EGFLAM: variants seen among roughly 807,000 people sequenced by gnomAD.
The protein encoded by EGFLAM is EGF like, fibronectin type III and laminin G domains.
In EGFLAM, 79 loss-of-function variants were observed where a neutral mutation model predicts 113.1. That is an observed-to-expected ratio of 0.70 (90% CI 0.58 to 0.84). The LOEUF is 0.84. EGFLAM is among the 40% of genes least tolerant of loss of function. The pLI is 0.00. For synonymous variants in EGFLAM, 504 were observed against 487.6 expected, an observed-to-expected ratio of 1.03 and a Z score of -0.44; for missense variants, 1,265 against 1,291.6, an observed-to-expected ratio of 0.98 and a Z score of 0.32.
chr5:38,425,413 C>T (rs906855083), intron 13 of EGFLAM, among the ~76,000 whole-genome samples: 12 of 152,162 alleles, frequency 7.9e-5, no homozygotes, highest in African/African-American at 2.4e-4. Context: ...GTGATCCACC[C>T]GCCTCGGCCT....
intron 6 of EGFLAM, among the ~76,000 whole-genome samples, chr5:38,404,779 G>C (rs899952077): frequency 6.6e-6 from 1 of 152,152 alleles, no homozygotes; most frequent in African/African-American, 2.4e-5. Flanking sequence ...TTTCAGTTGA[G>C]AGAGGGCAGC....
intron 5 of EGFLAM, among the ~76,000 whole-genome samples, chr5:38,359,915 T>G (rs1739875576): frequency 6.6e-6 from 1 of 152,168 alleles, no homozygotes; most frequent in African/African-American, 2.4e-5. Context: ...AGAATTCATC[T>G]TCACACGGGG....
intron 1 of EGFLAM, chr5:38,285,554 GTATGT>G (rs1257697779): frequency 3.3e-5 from 5 of 152,242 alleles, no homozygotes; most frequent in Non-Finnish European, 7.3e-5. Flanking sequence ...GGTCAGTGTC[GTATGT>G]TTGACAGAGG....
chr5:38,451,949 G>A (rs1007282995), intron 19 of EGFLAM, among the ~76,000 whole-genome samples: 15 of 137,848 alleles, frequency 1.1e-4, no homozygotes, highest in African/African-American at 3.9e-4. Context: ...CTGAGATCGC[G>A]CTACTGCACT....
chr5:38,462,801 T>C, intron 20 of EGFLAM, 107 bp from the exon 21 acceptor site: 4 of 1,250,540 alleles, frequency 3.2e-6, no homozygotes, highest in Non-Finnish European at 4.6e-6. Context: ...GCACAGTACC[T>C]GGCACATAGT....
intron 5 of EGFLAM, among the ~76,000 whole-genome samples, chr5:38,366,257 C>A (rs1740057016): frequency 6.6e-6 from 1 of 152,178 alleles, no homozygotes; most frequent in African/African-American, 2.4e-5. Context: ...GGGACTTAGA[C>A]TTTCCTCAGG....
intron 6 of EGFLAM, among the ~76,000 whole-genome samples, chr5:38,404,154 T>C (rs73749225): frequency 0.017 from 2,641 of 152,280 alleles, 60 homozygotes; most frequent in East Asian, 0.09. Context: ...CAAAAATGAC[T>C]TTCTGCCATT....
At chr5:38,374,205 A>T (rs1227965112) in intron 6 of EGFLAM, among the ~76,000 whole-genome samples, 4 of 152,170 alleles carry the variant, frequency 2.6e-5, no homozygotes, top group Non-Finnish European at 5.9e-5. Flanking sequence ...GTAACCACCC[A>T]ACAGTTCACC....
At chr5:38,265,518 A>C (rs1757611418) in intron 1 of EGFLAM, among the ~76,000 whole-genome samples, 1 of 152,196 alleles carries the variant, frequency 6.6e-6, no homozygotes. Flanking sequence ...CTGCTATTTC[A>C]GTTATCGAAA....
intron 12 of EGFLAM, among the ~76,000 whole-genome samples, chr5:38,424,339 G>A (rs1249963345): frequency 3.3e-5 from 5 of 152,138 alleles, no homozygotes; most frequent in East Asian, 1.9e-4. Context: ...CCACCTTTCT[G>A]TCCCTCATCA....
At chr5:38,407,381 C>T (rs2112129433) in intron 8 of EGFLAM, among the ~76,000 whole-genome samples, 1 of 152,316 alleles carries the variant, frequency 6.6e-6, no homozygotes, top group South Asian at 2.1e-4. Context: ...CCCTTTAAAG[C>T]AATCAATAAA....
intron 20 of EGFLAM, chr5:38,462,655 C>CA (rs1743325479): frequency 4.8e-6 from 2 of 418,960 alleles, no homozygotes; most frequent in Non-Finnish European, 8.9e-6. Flanking sequence ...TCCACAGCAC[C>CA]CTTGTGGTCT....
intron 11 of EGFLAM, among the ~76,000 whole-genome samples, chr5:38,415,425 A>G (rs79549417): frequency 0.15 from 23,176 of 152,142 alleles, 1,869 homozygotes; most frequent in East Asian, 0.24. Context: ...GCTCACGCCT[A>G]TAATTCCCAC....
chr5:38,267,064 T>C (rs1757651064), intron 1 of EGFLAM, among the ~76,000 whole-genome samples: 1 of 152,226 alleles, frequency 6.6e-6, no homozygotes, highest in South Asian at 2.1e-4. Flanking sequence ...ATAGTCATAG[T>C]AATTATTATT....
chr5:38,451,861 A>G (rs1173080997), intron 19 of EGFLAM, among the ~76,000 whole-genome samples: 2 of 151,848 alleles, frequency 1.3e-5, no homozygotes, highest in East Asian at 4.0e-4. Context: ...GTGTGGTGGC[A>G]GGCACCTGTA....
At chr5:38,348,713 G>A (rs767049105) in intron 3 of EGFLAM, among the ~76,000 whole-genome samples, 5 of 152,126 alleles carry the variant, frequency 3.3e-5, no homozygotes, top group Non-Finnish European at 5.9e-5. Context: ...AGGGGTGCAG[G>A]TATGGTAGGG....
chr5:38,380,516 G>A (rs972660429), intron 6 of EGFLAM, among the ~76,000 whole-genome samples: 1 of 152,204 alleles, frequency 6.6e-6, no homozygotes, highest in African/African-American at 2.4e-5. Context: ...AGGCCAATGA[G>A]TCAGTGAGCT....
At chr5:38,396,836 C>T (rs1020721313) in intron 6 of EGFLAM, among the ~76,000 whole-genome samples, 4 of 152,226 alleles carry the variant, frequency 2.6e-5, no homozygotes, top group Non-Finnish European at 1.5e-5. Flanking sequence ...GCCTATGTAT[C>T]TCCTCCATCA....
intron 10 of EGFLAM, among the ~76,000 whole-genome samples, chr5:38,410,393 C>G (rs776452127): frequency 5.3e-5 from 8 of 152,190 alleles, no homozygotes; most frequent in Non-Finnish European, 8.8e-5. Flanking sequence ...TAGCAGCTCT[C>G]CAACTATGTA....
Sources: allele counts gnomAD v4.1 joint callset (sites outside exome capture counted in the v4.1 genomes callset), GRCh38; gene constraint gnomAD v4.1.1; transcripts MANE v1.5; gene names NCBI Gene and HGNC (gene_info 2026-07-23, HGNC 2026-07-21).